TBC1D22A: variants seen among roughly 807,000 people sequenced by gnomAD.
TBC1D22A encodes putative GTPase activator.
In TBC1D22A, 38 loss-of-function variants were observed where a neutral mutation model predicts 60.2. That is an observed-to-expected ratio of 0.63 (90% CI 0.49 to 0.83). TBC1D22A has a LOEUF of 0.83. Among genes scored for constraint, TBC1D22A ranks in the 40% least tolerant of loss-of-function variants. The pLI is 0.00. For synonymous variants in TBC1D22A, 302 were observed against 281.7 expected, an observed-to-expected ratio of 1.07 and a Z score of -0.72; for missense variants, 628 against 701.0, an observed-to-expected ratio of 0.90 and a Z score of 1.18.
At chr22:46,906,073 C>G (rs985633222) in intron 7 of TBC1D22A, among the ~76,000 whole-genome samples, 2 of 152,134 alleles carry the variant, frequency 1.3e-5, no homozygotes, top group Admixed American at 1.3e-4. Flanking sequence ...GACCTGCGAC[C>G]TGCGTTTGGC....
intron 11 of TBC1D22A, among the ~76,000 whole-genome samples, chr22:47,083,184 T>G (rs1164987276): frequency 6.6e-6 from 1 of 152,196 alleles, no homozygotes; most frequent in Admixed American, 6.5e-5. Context: ...GCGGGATTGC[T>G]GGCAGAAGGA....
chr22:47,172,007 GTGTGCCTACCCAGCACTCCCA>G (rs1280512411), intron 12 of TBC1D22A, among the ~76,000 whole-genome samples: 10 of 89,594 alleles, frequency 1.1e-4, no homozygotes, highest in African/African-American at 6.1e-4. Flanking sequence ...GGTGAGCCCA[GTGTGCCTACCCAGCACTCCCA>G]GTGAGCCTAC....
intron 4 of TBC1D22A, among the ~76,000 whole-genome samples, chr22:46,848,687 A>T (rs1412098894): frequency 6.6e-6 from 1 of 152,140 alleles, no homozygotes; most frequent in Non-Finnish European, 1.5e-5. Context: ...CTGTTACTGT[A>T]TATTACTTTT....
intron 4 of TBC1D22A, among the ~76,000 whole-genome samples, chr22:46,858,554 C>T (rs1446200405): frequency 6.6e-6 from 1 of 152,178 alleles, no homozygotes; most frequent in Non-Finnish European, 1.5e-5. Context: ...GTCGCGGGAA[C>T]GCATGCCATC....
At chr22:47,050,484 C>A (rs567231631) in intron 11 of TBC1D22A, among the ~76,000 whole-genome samples, 3 of 152,280 alleles carry the variant, frequency 2.0e-5, no homozygotes, top group African/African-American at 7.2e-5. Context: ...TTTTAGGTAA[C>A]CTTTTAGTTC....
chr22:47,090,808 G>A (rs556423257), intron 11 of TBC1D22A, among the ~76,000 whole-genome samples: 2 of 150,352 alleles, frequency 1.3e-5, no homozygotes, highest in African/African-American at 4.9e-5. Flanking sequence ...CCTCGCGGAG[G>A]GGGTGGCTGC....
At chr22:46,998,190 A>C (rs1272713996) in intron 10 of TBC1D22A, among the ~76,000 whole-genome samples, 2 of 152,132 alleles carry the variant, frequency 1.3e-5, no homozygotes, top group Non-Finnish European at 2.9e-5. Context: ...TTCATGTTTA[A>C]GTGGGGGCTT....
rs1202965778 is a variant in TBC1D22A, at chr22:47,175,477, G to A, written c.*1851G>A. On this transcript the variant is annotated 3_prime_UTR_variant, in exon 13 of 13. Transcript: ENST00000337137. ...CATGCCGTGTGGCCAGAAGGCTGCGGACACAACTGACCTGCTTCTCGAGGT... is the reference window on the plus strand; with the variant it reads ...CATGCCGTGTGGCCAGAAGGCTGCGAACACAACTGACCTGCTTCTCGAGGT... 1 of 152,248 alleles carries A rather than the reference G, an allele frequency of 6.6e-6. No homozygotes were observed. Among genetic ancestry groups the A allele is most frequent in the Non-Finnish European group, 1.5e-5 (1 of 68,126 alleles). The allele number at this position is 152,248 out of a possible 1,614,324, so 9.4% of individuals were successfully genotyped here.
chr22:46,968,965 G>C (rs750169049), intron 8 of TBC1D22A, among the ~76,000 whole-genome samples: 1 of 152,074 alleles, frequency 6.6e-6, no homozygotes, highest in Non-Finnish European at 1.5e-5. Flanking sequence ...CTCCATCCAC[G>C]TGGACTGGTG....
At chr22:46,827,903 A>T (rs1349251381) in intron 4 of TBC1D22A, among the ~76,000 whole-genome samples, 2 of 152,218 alleles carry the variant, frequency 1.3e-5, no homozygotes, top group South Asian at 4.1e-4. Context: ...GCCGCTCTGC[A>T]GCTCTTTGTG....
At chr22:47,066,662 C>G (rs1603225682) in intron 11 of TBC1D22A, among the ~76,000 whole-genome samples, 2 of 152,342 alleles carry the variant, frequency 1.3e-5, no homozygotes, top group South Asian at 4.1e-4. Context: ...TTCCCTGTAC[C>G]TTGGCACGCA....
At chr22:47,089,903 G>A (rs1484138237) in intron 11 of TBC1D22A, among the ~76,000 whole-genome samples, 1 of 152,174 alleles carries the variant, frequency 6.6e-6, no homozygotes, top group African/African-American at 2.4e-5. Flanking sequence ...CAAGGTTGGT[G>A]GTGGGAGGTC....
At chr22:46,874,182 C>T (rs915819773) in intron 4 of TBC1D22A, among the ~76,000 whole-genome samples, 3 of 152,144 alleles carry the variant, frequency 2.0e-5, no homozygotes, top group Non-Finnish European at 4.4e-5. Context: ...TGGAGTCTCT[C>T]ATTGATGGGC....
chr22:46,768,428 T>G (rs887600240), intron 1 of TBC1D22A, among the ~76,000 whole-genome samples: 1 of 136,542 alleles, frequency 7.3e-6, no homozygotes, highest in East Asian at 2.1e-4. Context: ...GAGGTTGCAG[T>G]GAGCCAAGGT....
intron 11 of TBC1D22A, among the ~76,000 whole-genome samples, chr22:47,043,217 C>T (rs1297315922): frequency 6.6e-6 from 1 of 152,220 alleles, no homozygotes; most frequent in Admixed American, 6.5e-5. Context: ...GTGTCCATGG[C>T]AGGGGGTCCT....
chr22:47,107,459 C>T (rs770121244), intron 11 of TBC1D22A, among the ~76,000 whole-genome samples: 7 of 152,232 alleles, frequency 4.6e-5, no homozygotes, highest in Non-Finnish European at 1.0e-4. Flanking sequence ...AAGCAGAAAT[C>T]GAGGTTTTTA....
chr22:46,947,849 T>C (rs1247260342), intron 8 of TBC1D22A, among the ~76,000 whole-genome samples: 2 of 152,206 alleles, frequency 1.3e-5, no homozygotes, highest in African/African-American at 4.8e-5. Context: ...TTTCTGAGGA[T>C]TCTGTGGCCA....
intron 12 of TBC1D22A, among the ~76,000 whole-genome samples, chr22:47,123,651 G>C (rs73889403): frequency 6.6e-6 from 1 of 152,228 alleles, no homozygotes; most frequent in East Asian, 1.9e-4. Flanking sequence ...CTTCATGCAG[G>C]TTTCTCTTTC....
chr22:47,057,264 C>T (rs1266407186), intron 11 of TBC1D22A, among the ~76,000 whole-genome samples: 1 of 152,242 alleles, frequency 6.6e-6, no homozygotes, highest in Non-Finnish European at 1.5e-5. Flanking sequence ...CCTTGTTCCC[C>T]TCCCAGTCAG....
Sources: allele counts gnomAD v4.1 joint callset (sites outside exome capture counted in the v4.1 genomes callset), GRCh38; gene constraint gnomAD v4.1.1; transcripts MANE v1.5; gene names NCBI Gene and HGNC (gene_info 2026-07-23, HGNC 2026-07-21).